Variants in PTPRM observed in about 807,000 individuals in gnomAD.
The protein encoded by PTPRM is protein tyrosine phosphatase receptor type M.
Under a neutral mutation model 186.7 loss-of-function variants are expected in PTPRM, and 47 were observed. The ratio of observed to expected loss-of-function variants is 0.25; its 90% CI spans 0.20 to 0.32. PTPRM has a LOEUF of 0.32. PTPRM is among the 10% of genes least tolerant of loss of function. The probability of loss-of-function intolerance (pLI) is 1.00; values close to 1 mark genes in which losing one functional copy is unlikely to be tolerated. For synonymous variants in PTPRM, 668 were observed against 674.9 expected (o/e 0.99, Z 0.16); for missense variants, 1,494 against 1,865.0 (o/e 0.80, Z 3.66).
intron 2 of PTPRM, among the ~76,000 whole-genome samples, chr18:7,886,198 A>G (rs1359298826): frequency 6.6e-6 from 1 of 152,188 alleles, no homozygotes; most frequent in Non-Finnish European, 1.5e-5. Flanking sequence ...ATCAGCTTCT[A>G]TTTCACTAAG....
rs144721809 is a variant in PTPRM at position 8,332,092 on chromosome 18, A to C, written c.2957-11331A>C. On this transcript the variant is annotated intron_variant, in intron 22 of 32. Transcript: ENST00000580170. ...GGAGCTTTAACATGGTAAGTTCCTT[A>C]TATTTCTTAGGAAGAAAATGGCTAT... is the stretch of plus-strand genomic sequence containing the variant. Among the ~76,000 whole-genome samples the C allele has an allele frequency of 7.6e-3, 1,159 of 152,352 alleles. 15 individuals carry two copies. The highest frequency in any genetic ancestry group is 0.012 in the Non-Finnish European group (807 of 68,032).
chr18:7,820,846 G>T (rs2045149402), intron 2 of PTPRM, among the ~76,000 whole-genome samples: 1 of 152,162 alleles, frequency 6.6e-6, no homozygotes, highest in Admixed American at 6.5e-5. Context: ...TTTGCAGCCT[G>T]CCTTTGCCAG....
intron 1 of PTPRM, among the ~76,000 whole-genome samples, chr18:7,750,190 T>G (rs774037177): frequency 7.9e-5 from 12 of 152,194 alleles, no homozygotes; most frequent in Non-Finnish European, 1.8e-4. Context: ...TAAAAGGAAA[T>G]ACCATGGTTT....
At chr18:8,306,589 C>T (rs573432732) in intron 20 of PTPRM, among the ~76,000 whole-genome samples, 6 of 152,338 alleles carry the variant, frequency 3.9e-5, no homozygotes, top group Admixed American at 2.0e-4. Flanking sequence ...CCGTGGTTTT[C>T]ATGGTTAGTA....
chr18:8,375,960 T>C, intron 24 of PTPRM, 86 bp from the exon 25 acceptor site: 1 of 1,425,366 alleles, frequency 7.0e-7, no homozygotes, highest in East Asian at 2.3e-5. Flanking sequence ...ACCTGGGGAC[T>C]GTTTCCACTC....
intron 1 of PTPRM, among the ~76,000 whole-genome samples, chr18:7,744,197 G>A (rs2040939536): frequency 1.3e-5 from 2 of 152,130 alleles, no homozygotes; most frequent in Non-Finnish European, 2.9e-5. Flanking sequence ...GAAGAAAACT[G>A]GATTCTGTTA....
chr18:8,042,924 T>C (rs192350476), intron 7 of PTPRM, among the ~76,000 whole-genome samples: 3 of 152,088 alleles, frequency 2.0e-5, no homozygotes, highest in African/African-American at 7.2e-5. Flanking sequence ...CTGTAGACCC[T>C]CCAACTCCCC....
chr18:8,374,039 A>G (rs535035124), intron 24 of PTPRM, among the ~76,000 whole-genome samples: 1 of 152,328 alleles, frequency 6.6e-6, no homozygotes, highest in East Asian at 1.9e-4. Flanking sequence ...CAAATGTATT[A>G]CATTCCAAAA....
At chr18:7,983,921 C>T (rs1240561069) in intron 7 of PTPRM, among the ~76,000 whole-genome samples, 1 of 152,130 alleles carries the variant, frequency 6.6e-6, no homozygotes, top group African/African-American at 2.4e-5. Context: ...GAGCCAGAGA[C>T]ATTTGAGATT....
intron 1 of PTPRM, among the ~76,000 whole-genome samples, chr18:7,696,409 A>G (rs370924734): frequency 1.3e-5 from 2 of 152,228 alleles, no homozygotes; most frequent in East Asian, 3.8e-4. Context: ...GTTTTTATAT[A>G]TGATACTCTG....
At chr18:7,618,727 G>A (rs145659462) in intron 1 of PTPRM, among the ~76,000 whole-genome samples, 68 of 152,156 alleles carry the variant, frequency 4.5e-4, no homozygotes, top group African/African-American at 1.4e-3. Flanking sequence ...TTTAAGATGC[G>A]TGCTATACAA....
chr18:8,330,614 C>T (rs1408580305), intron 22 of PTPRM, among the ~76,000 whole-genome samples: 7 of 151,686 alleles, frequency 4.6e-5, no homozygotes, highest in African/African-American at 1.5e-4. Context: ...CAGCCAGATC[C>T]TTTGGGTCAC....
intron 1 of PTPRM, among the ~76,000 whole-genome samples, chr18:7,603,223 C>T (rs909170064): frequency 3.9e-5 from 6 of 152,188 alleles, no homozygotes; most frequent in South Asian, 4.1e-4. Context: ...CCACCGTGCC[C>T]GGCCTGGAAT....
intron 14 of PTPRM, among the ~76,000 whole-genome samples, chr18:8,222,607 T>C (rs1601317983): frequency 6.6e-6 from 1 of 152,130 alleles, no homozygotes; most frequent in Non-Finnish European, 1.5e-5. Context: ...TTAATGGAGG[T>C]AGAAGGAGGT....
At chr18:7,683,582 A>T (rs2039528753) in intron 1 of PTPRM, among the ~76,000 whole-genome samples, 1 of 152,194 alleles carries the variant, frequency 6.6e-6, no homozygotes, top group African/African-American at 2.4e-5. Flanking sequence ...TTAGAGAATG[A>T]CTTCCCAAAG....
chr18:7,894,563 G>A (rs1033731456), intron 3 of PTPRM, among the ~76,000 whole-genome samples: 6 of 151,922 alleles, frequency 3.9e-5, no homozygotes, highest in African/African-American at 9.7e-5. Flanking sequence ...TCCAGCCTAG[G>A]GGGCAGAGCA....
At chr18:8,227,449 C>G (rs76025306) in intron 14 of PTPRM, among the ~76,000 whole-genome samples, 1 of 152,146 alleles carries the variant, frequency 6.6e-6, no homozygotes, top group Non-Finnish European at 1.5e-5. Flanking sequence ...AAATTTTCAT[C>G]CTTTGTGTTT....
intron 1 of PTPRM, among the ~76,000 whole-genome samples, chr18:7,772,416 C>CTTTTCT (rs1308114276): frequency 1.8e-5 from 2 of 108,814 alleles, no homozygotes; most frequent in African/African-American, 7.8e-5. Flanking sequence ...TCTTTCTTTT[C>CTTTTCT]TTTCTTTCTC....
intron 11 of PTPRM, among the ~76,000 whole-genome samples, chr18:8,111,378 C>T (rs562338822): frequency 2.4e-4 from 37 of 152,182 alleles, no homozygotes; most frequent in East Asian, 1.4e-3. Flanking sequence ...TTTGGGAGGC[C>T]GAGGCGGGCG....
Sources: gnomAD v4.1 joint callset for allele counts (sites outside exome capture counted in the v4.1 genomes callset) on GRCh38, gnomAD v4.1.1 for gene constraint, MANE v1.5 for transcripts, NCBI Gene and HGNC (gene_info 2026-07-23, HGNC 2026-07-21) for gene names.